Variants in EPS15 observed in about 807,000 individuals in gnomAD.
EPS15 encodes epidermal growth factor receptor substrate 15.
A neutral mutation model predicts 113.8 loss-of-function variants in EPS15; 72 were observed. The observed-to-expected ratio is 0.63, with a 90% CI of 0.52 to 0.77. The LOEUF (loss-of-function observed/expected upper bound fraction) is 0.77. Ranked by LOEUF, EPS15 falls within the 30% of genes least tolerant of loss-of-function variation. The pLI, the probability that EPS15 is intolerant of heterozygous loss-of-function variation, is 0.00. For synonymous variants in EPS15, 344 were observed against 363.4 expected, an observed-to-expected ratio of 0.95 and a Z score of 0.61; for missense variants, 1,048 against 1,045.8, an observed-to-expected ratio of 1.00 and a Z score of -0.03.
In EPS15 at chr1:51,355,409, A is replaced by G. The variant is rs1245368804; in HGVS notation, c.*1291T>C. Reference sequence around the variant, plus strand: ...CTAAGTCAGTAACCGTGTTAAACAAAATTAAAATGACAAGTTACAGCTTAC... The same window carrying G: ...CTAAGTCAGTAACCGTGTTAAACAAGATTAAAATGACAAGTTACAGCTTAC... On this transcript the variant is annotated 3_prime_UTR_variant, in exon 25 of 25. Coordinates refer to ENST00000371733, the MANE Select transcript of EPS15 (RefSeq NM_001981.3). The G allele has an allele frequency of 4.9e-6, 1 of 202,958 alleles. No individual in the cohort carries two copies. Among genetic ancestry groups the G allele is most frequent in the East Asian group, 7.6e-5 (1 of 13,158 alleles). The allele number at this position is 202,958 out of a possible 1,614,324, so 12.6% of individuals were successfully genotyped here. A position where few individuals can be genotyped will look rare whatever the true frequency, so the allele number is the denominator to read the frequency against.
Position 51,362,476 on chromosome 1 carries a change from T to C in EPS15, c.2360-1121A>G, listed in dbSNP as rs560629995. ...CAAAAACACTAGCATATTATTTTACTTAAGATTTAAAAAAACAACCTCACT... is the reference window on the plus strand; with the variant it reads ...CAAAAACACTAGCATATTATTTTACCTAAGATTTAAAAAAACAACCTCACT... On this transcript the variant is annotated intron_variant, in intron 23 of 24. Coordinates refer to ENST00000371733, the MANE Select transcript of EPS15 (RefSeq NM_001981.3). Among the ~76,000 whole-genome samples, 5 of 152,304 alleles carry C rather than the reference T, an allele frequency of 3.3e-5. No homozygotes were observed. The South Asian group carries it at 1.0e-3, about 32-fold the overall frequency.
At chr1:51,366,138 G>GCTCACTGCAGC (rs1646503485) in intron 21 of EPS15, 109 bp from the exon 22 acceptor site, 1 of 657,158 alleles carries the variant, frequency 1.5e-6, no homozygotes. Context: ...TACGATCATG[G>GCTCACTGCAGC]CTCACTGCAG....
chr1:51,449,561 C>A (rs1312351091), intron 8 of EPS15, among the ~76,000 whole-genome samples: 1 of 152,034 alleles, frequency 6.6e-6, no homozygotes, highest in Middle Eastern at 3.4e-3. Context: ...ACATGTACCC[C>A]TGAACCTAAA....
chr1:51,400,833 G>A (rs983215232), intron 19 of EPS15, 85 bp downstream of exon 19: 1 of 759,024 alleles, frequency 1.3e-6, no homozygotes, highest in South Asian at 2.4e-5. Context: ...TCTTACTGGG[G>A]CTTCAGTTTC....
intron 5 of EPS15, among the ~76,000 whole-genome samples, 174 bp from the exon 6 acceptor site, chr1:51,465,500 T>C (rs150861048): frequency 6.6e-6 from 1 of 152,302 alleles, no homozygotes; most frequent in East Asian, 1.9e-4. Context: ...AAAGTGATTA[T>C]AATACCATAT....
Position 51,461,034 on chromosome 1 carries a change from T to C in EPS15, c.561+57A>G, listed in dbSNP as rs17106599. The C allele has an allele frequency of 4.2e-3, 4,805 of 1,136,460 alleles. 148 individuals are homozygous for C. The African/African-American group carries it at 0.066, about 16-fold the overall frequency. 70.4% of individuals were successfully genotyped at this position (1,136,460 alleles called of 1,614,324 possible). On this transcript the variant is annotated intron_variant, in intron 8 of 24. Coordinates refer to ENST00000371733, the MANE Select transcript of EPS15 (RefSeq NM_001981.3). ...CTAAGGATGAACTAAAAGAGGAAAT[T>C]TGCACATGAGAAAATCATTAAGATA...
intron 8 of EPS15, among the ~76,000 whole-genome samples, chr1:51,456,578 T>A (rs1654013066): frequency 6.6e-6 from 1 of 152,224 alleles, no homozygotes; most frequent in Admixed American, 6.5e-5. Flanking sequence ...AAGAACATTA[T>A]ATTTTATTAT....
chr1:51,407,529 T>C (rs1225153036), intron 15 of EPS15, among the ~76,000 whole-genome samples: 1 of 152,216 alleles, frequency 6.6e-6, no homozygotes, highest in Non-Finnish European at 1.5e-5. Context: ...ATTAAAACAT[T>C]AGTCTTCATG....
chr1:51,460,985 A>C, intron 8 of EPS15, 106 bp downstream of exon 8: 2 of 759,762 alleles, frequency 2.6e-6, no homozygotes, highest in Non-Finnish European at 4.5e-6. Flanking sequence ...TCACCCAATA[A>C]TCTGATGAGA....
chr1:51,508,431 A>G (rs1186125116), intron 1 of EPS15, among the ~76,000 whole-genome samples: 1 of 152,122 alleles, frequency 6.6e-6, no homozygotes, highest in East Asian at 1.9e-4. Flanking sequence ...AAGTATTAAT[A>G]ATAATACAAG....
At position 51,355,933 on chromosome 1, in the gene EPS15, G is replaced by T. The variant is rs1186060249; in HGVS notation, c.*767C>A. On this transcript the variant is annotated 3_prime_UTR_variant, in exon 25 of 25. Coordinates refer to ENST00000371733, the MANE Select transcript of EPS15 (RefSeq NM_001981.3). ...TTCTCCACTATCTATCACTTAAAAT[G>T]AACATTTTCTTACAAACTTTATTTG... is the stretch of plus-strand genomic sequence containing the variant. The T allele has an allele frequency of 3.6e-5, 7 of 192,606 alleles. No homozygotes were observed. Among genetic ancestry groups the T allele is most frequent in the African/African-American group, 1.6e-4 (7 of 43,022 alleles). The allele number at this position is 192,606 out of a possible 1,614,324, so 11.9% of individuals were successfully genotyped here.
chr1:51,367,779 T>C (rs1646539972), intron 21 of EPS15, among the ~76,000 whole-genome samples: 1 of 151,888 alleles, frequency 6.6e-6, no homozygotes, highest in Non-Finnish European at 1.5e-5. Context: ...AAGCAAACAG[T>C]TGGAAAGGAA....
intron 1 of EPS15, among the ~76,000 whole-genome samples, chr1:51,484,407 A>T (rs547690880): frequency 8.6e-4 from 131 of 152,194 alleles, no homozygotes; most frequent in African/African-American, 2.6e-3. Context: ...ATTTAAAAAA[A>T]TTTTTTAAAT....
chr1:51,417,996 G>A (rs962606141), intron 13 of EPS15, among the ~76,000 whole-genome samples: 3 of 152,168 alleles, frequency 2.0e-5, no homozygotes, highest in Admixed American at 6.6e-5. Flanking sequence ...AGGCAAGAGC[G>A]AATGGAGTGA....
chr1:51,477,321 G>T (rs1277120191), intron 2 of EPS15, among the ~76,000 whole-genome samples: 2 of 151,912 alleles, frequency 1.3e-5, no homozygotes, highest in African/African-American at 2.4e-5. Context: ...ATTTTTTATT[G>T]TGTCTATTTG....
Position 51,363,977 on chromosome 1 carries a change from C to T in EPS15, c.2248G>A (p.Val750Ile), listed in dbSNP as rs377372711. ...TCAAATACATTTTTTGTAATCACTA[C>T]GTTGCTGACAGAGCTCGATGTGGCT... ...RSATSSSVSN[V>I]VITKNVFEET... is the part of the protein sequence containing the mutation. Residue 750 changes from valine (V) to isoleucine (I), a missense_variant, in exon 23 of 25, where the codon GTA (valine) becomes ATA (isoleucine). Transcript: ENST00000371733. 120 of 1,613,640 alleles carry T rather than the reference C, an allele frequency of 7.4e-5. No individual in the cohort carries two copies. The highest frequency in any genetic ancestry group is 8.3e-5 in the Non-Finnish European group (98 of 1,179,846).
At chr1:51,398,598 G>A (rs1648204423) in intron 20 of EPS15, among the ~76,000 whole-genome samples, 1 of 152,206 alleles carries the variant, frequency 6.6e-6, no homozygotes, top group African/African-American at 2.4e-5. Context: ...GACATTTAGT[G>A]AGAATTTGTA....
At chr1:51,489,415 G>C (rs773968844) in intron 1 of EPS15, among the ~76,000 whole-genome samples, 1 of 150,512 alleles carries the variant, frequency 6.6e-6, no homozygotes. Context: ...TCCGCCTCCC[G>C]GGTTCCAGCA....
chr1:51,356,650 G>A lies in EPS15; in HGVS notation c.*50C>T. Reference sequence around the variant, plus strand: ...TTGATACACATTGTAAATAGTTTCAGTATTCAGGAAGAAGAATACTATATT... The same window carrying A: ...TTGATACACATTGTAAATAGTTTCAATATTCAGGAAGAAGAATACTATATT... On this transcript the variant is annotated 3_prime_UTR_variant, in exon 25 of 25. Coordinates refer to ENST00000371733, the MANE Select transcript of EPS15 (RefSeq NM_001981.3). The A allele has an allele frequency of 6.6e-7, 1 of 1,516,198 alleles. No homozygotes were observed. Among genetic ancestry groups the A allele is most frequent in the Non-Finnish European group, 9.0e-7 (1 of 1,107,072 alleles). 93.9% of individuals were successfully genotyped at this position (1,516,198 alleles called of 1,614,324 possible).
Sources: allele counts gnomAD v4.1 joint callset (sites outside exome capture counted in the v4.1 genomes callset), GRCh38; gene constraint gnomAD v4.1.1; transcripts MANE v1.5; gene names NCBI Gene and HGNC (gene_info 2026-07-23, HGNC 2026-07-21).